SH2D3C: variants seen among roughly 807,000 people sequenced by gnomAD.
SH2D3C encodes SH2 domain containing 3C.
A neutral mutation model predicts 75.2 loss-of-function variants in SH2D3C; 25 were observed. The ratio of observed to expected loss-of-function variants is 0.33; its 90% CI spans 0.24 to 0.46. SH2D3C has a LOEUF of 0.46. Among genes scored for constraint, SH2D3C ranks in the 20% least tolerant of loss-of-function variants. SH2D3C has a pLI of 1.00. For missense variants in SH2D3C, 933 were observed against 1,165.3 expected, an observed-to-expected ratio of 0.80 and a Z score of 2.90; for synonymous variants, 450 against 473.7, an observed-to-expected ratio of 0.95 and a Z score of 0.65.
In SH2D3C at chr9:127,774,476, G is replaced by C; in HGVS notation, c.38-9C>G. 2 of 1,330,156 alleles carry C rather than the reference G, an allele frequency of 1.5e-6. No individual in the cohort carries two copies. Among genetic ancestry groups the C allele is most frequent in the Non-Finnish European group, 2.2e-6 (2 of 923,988 alleles). The allele number at this position is 1,330,156 out of a possible 1,614,324, so 82.4% of individuals were successfully genotyped here. On this transcript the variant is annotated splice_polypyrimidine_tract_variant and intron_variant, in intron 1 of 11. Transcript: ENST00000314830. This position sits in a 1 kb window ranked among gnomAD's most constrained non-coding sequence, Gnocchi z 4.3. ...CTTGAACTTGAAGAACTCTAGCAGA[G>C]GGGAAGGGAAGGAAAAGAAGTTAAT... is the stretch of plus-strand genomic sequence containing the variant.
chr9:127,761,071 C>A (rs1335983795), intron 3 of SH2D3C, among the ~76,000 whole-genome samples: 1 of 152,168 alleles, frequency 6.6e-6, no homozygotes, highest in Non-Finnish European at 1.5e-5. Context: ...GCATTCCTGA[C>A]CTCAGGTGAT....
At chr9:127,745,204 TAC>T (rs1844991808) in intron 6 of SH2D3C, 105 bp from the exon 7 acceptor site, 2 of 944,884 alleles carry the variant, frequency 2.1e-6, no homozygotes, top group South Asian at 5.4e-5. Flanking sequence ...TTGTAGGGAG[TAC>T]AGAGGTGATG....
intron 2 of SH2D3C, among the ~76,000 whole-genome samples, chr9:127,768,180 G>T (rs894596532): frequency 4.6e-5 from 7 of 152,194 alleles, no homozygotes; most frequent in Non-Finnish European, 7.3e-5. Flanking sequence ...CCCACCCCTG[G>T]TGGGTAATCG....
At chr9:127,757,140 A>G (rs916280794) in intron 3 of SH2D3C, among the ~76,000 whole-genome samples, 1 of 139,848 alleles carries the variant, frequency 7.2e-6, no homozygotes, top group African/African-American at 2.7e-5. Flanking sequence ...ATGGGGTTTC[A>G]CCATGTTGGC....
At chr9:127,744,257 G>A (rs1012858366) in intron 7 of SH2D3C, among the ~76,000 whole-genome samples, 1 of 151,884 alleles carries the variant, frequency 6.6e-6, no homozygotes, top group Non-Finnish European at 1.5e-5. Flanking sequence ...TTTTAGTAGA[G>A]ACGGGGTTTC....
chr9:127,749,001 A>C lies in SH2D3C; in HGVS notation c.1139+210T>G, dbSNP rs1401468802. ...CAAGGGCACATGGCCAGCGAGTGGC[A>C]GAGCTGGGACTGCAACCTGGGTCTG... On this transcript the variant is annotated intron_variant, in intron 5 of 11. Coordinates refer to ENST00000314830, the MANE Select transcript of SH2D3C (RefSeq NM_170600.3). This position sits in a 1 kb window ranked among gnomAD's most constrained non-coding sequence, Gnocchi z 5.9. 1.3e-5 allele frequency among the ~76,000 whole-genome samples: 2 copies of C among 152,204 alleles called. No homozygotes were observed. Among genetic ancestry groups the C allele is most frequent in the African/African-American group, 4.8e-5 (2 of 41,442 alleles).
chr9:127,766,963 G>A lies in SH2D3C; in HGVS notation c.516-5313C>T, dbSNP rs779556960. On this transcript the variant is annotated intron_variant, in intron 2 of 11. Transcript: ENST00000314830. ...GCTTCTCAGTCCTTAAAGGCCCTGG[G>A]CAAAAAGAGCTGGGTGGAAAGCCCC... The A allele has an allele frequency of 1.9e-5, 29 of 1,536,126 alleles. No individual in the cohort carries two copies. The East Asian group carries it at 6.8e-4, about 36-fold the overall frequency.
In SH2D3C at chr9:127,744,469, C is replaced by G. The variant is rs1844962400; in HGVS notation, c.1800+95G>C. 2.1e-6 allele frequency: 3 copies of G among 1,452,972 alleles called. No individual in the cohort carries two copies. The African/African-American group carries it at 4.2e-5, about 20-fold the overall frequency. The allele number at this position is 1,452,972 out of a possible 1,614,324, so 90.0% of individuals were successfully genotyped here. Reference sequence around the variant, plus strand: ...CCATGGAGCTAGAATCCAGGCCCACCTGCTGTACTTGGGGAATCTGGGAGC... The same window carrying G: ...CCATGGAGCTAGAATCCAGGCCCACGTGCTGTACTTGGGGAATCTGGGAGC... On this transcript the variant is annotated intron_variant, in intron 7 of 11. Transcript: ENST00000314830.
intron 2 of SH2D3C, among the ~76,000 whole-genome samples, chr9:127,770,079 CCT>C (rs1845705435): frequency 1.3e-5 from 2 of 152,050 alleles, no homozygotes; most frequent in South Asian, 4.1e-4. Flanking sequence ...AGGGAGGGTG[CCT>C]CTCTGGGACC....
chr9:127,758,367 T>C (rs1845446871), intron 3 of SH2D3C, among the ~76,000 whole-genome samples: 2 of 148,356 alleles, frequency 1.3e-5, no homozygotes, highest in Non-Finnish European at 2.9e-5. Context: ...ATTATTTATT[T>C]TACAATGTTA....
At position 127,767,257 on chromosome 9, in the gene SH2D3C, C is replaced by T. The variant is rs545655177; in HGVS notation, c.516-5607G>A. 8.1e-5 allele frequency: 119 copies of T among 1,461,646 alleles called. No individual in the cohort carries two copies. In the African/African-American group the frequency reaches 1.6e-3, roughly 19 times the overall value. 90.5% of individuals were successfully genotyped at this position (1,461,646 alleles called of 1,614,324 possible). ...GGATGCTGGGCCCTGACAGCTGCCA[C>T]CCAAGTCTCAAAACCTGCCAAAGAA... On this transcript the variant is annotated intron_variant, in intron 2 of 11. Coordinates refer to ENST00000314830, the MANE Select transcript of SH2D3C (RefSeq NM_170600.3).
At chr9:127,761,801 G>A in intron 2 of SH2D3C, 151 bp from the exon 3 acceptor site, 1 of 606,170 alleles carries the variant, frequency 1.6e-6, no homozygotes, top group Non-Finnish European at 2.9e-6. Context: ...CAGCTGGCCT[G>A]GCTCCTCCAC....
Position 127,751,304 on chromosome 9 carries a change from G to C in SH2D3C, c.556-4C>G, listed in dbSNP as rs376611903. 76 of 1,612,990 alleles carry C rather than the reference G, an allele frequency of 4.7e-5. No individual in the cohort carries two copies. The highest frequency in any genetic ancestry group is 1.6e-4 in the Middle Eastern group (1 of 6,080). On this transcript the variant is annotated splice_polypyrimidine_tract_variant and splice_region_variant and intron_variant, in intron 3 of 11. Transcript: ENST00000314830. This position sits in a 1 kb window ranked among gnomAD's most constrained non-coding sequence, Gnocchi z 4.1. ...GGATGTACTTCTCCTTGGAGAACTGGGTAGAAAACAGCAAGAGTTGGCATC... is the reference window on the plus strand; with the variant it reads ...GGATGTACTTCTCCTTGGAGAACTGCGTAGAAAACAGCAAGAGTTGGCATC...
chr9:127,742,017 G>A, intron 8 of SH2D3C, 58 bp from the exon 9 acceptor site: 1 of 1,496,904 alleles, frequency 6.7e-7, no homozygotes, highest in Non-Finnish European at 9.0e-7. Context: ...AGGGGTGCGG[G>A]CCTGGGGCGC....
Position 127,744,989 on chromosome 9 carries a change from TC to T in SH2D3C, c.1374del (p.Thr459ProfsTer67). ...GGGCCCTTGTCTGACTCCCCATGGGTCTTTGGGGCACTTCCGGGACACAGCT... is the reference window on the plus strand; with the variant it reads ...GGGCCCTTGTCTGACTCCCCATGGGTTTTGGGGCACTTCCGGGACACAGCT... ...EPQLCPGSAP[K>X]THGESDKGPH... On this transcript the variant is annotated frameshift_variant, in exon 7 of 12. Transcript: ENST00000314830. LOFTEE classifies it high-confidence loss of function. The T allele has an allele frequency of 6.6e-7, 1 of 1,526,642 alleles. No homozygotes were observed. Among genetic ancestry groups the T allele is most frequent in the Non-Finnish European group, 8.8e-7 (1 of 1,137,112 alleles). 94.6% of individuals were successfully genotyped at this position (1,526,642 alleles called of 1,614,324 possible).
At chr9:127,760,251 G>A (rs1275657226) in intron 3 of SH2D3C, among the ~76,000 whole-genome samples, 2 of 152,148 alleles carry the variant, frequency 1.3e-5, no homozygotes, top group Admixed American at 1.3e-4. Flanking sequence ...TGAATTCAGG[G>A]CCTGGTGCTC....
In SH2D3C at chr9:127,749,849, G is replaced by A. The variant is rs1463178101; in HGVS notation, c.685-184C>T. Among the ~76,000 whole-genome samples the A allele has an allele frequency of 6.6e-6, 1 of 152,084 alleles. No individual in the cohort carries two copies. Among genetic ancestry groups the A allele is most frequent in the East Asian group, 1.9e-4 (1 of 5,182 alleles). On this transcript the variant is annotated intron_variant, in intron 4 of 11. Transcript: ENST00000314830. This position sits in a 1 kb window ranked among gnomAD's most constrained non-coding sequence, Gnocchi z 5.9. ...GATGCAATGACCCAGGTTCACAGGG[G>A]GCACCTCAGCCAGAGGCCCTGAGTC... is the stretch of plus-strand genomic sequence containing the variant.
In SH2D3C at chr9:127,741,921, A is replaced by T. The variant is rs774010131; in HGVS notation, c.1955T>A (p.Leu652Gln). Residue 652 changes from leucine (L) to glutamine (Q), a missense_variant, in exon 9 of 12, where the codon CTG becomes CAG. Transcript: ENST00000314830. ...CTCCTCCGCAGAGCCGGTGCAGCCC[A>T]GGATGTCCACGGCCAGCATGATGGA... ...TMSIMLAVDILGCTGSAEERA... is the reference protein window; with the variant it reads ...TMSIMLAVDIQGCTGSAEERA... 1 of 1,612,944 alleles carries T rather than the reference A, an allele frequency of 6.2e-7. No homozygotes were observed. The highest frequency in any genetic ancestry group is 1.1e-5 in the South Asian group (1 of 91,072).
chr9:127,766,823 G>T, intron 2 of SH2D3C: 1 of 1,058,944 alleles, frequency 9.4e-7, no homozygotes, highest in Non-Finnish European at 1.3e-6. Context: ...ACCTGCCTTG[G>T]CCTCCCAAAG....
Sources: gnomAD v4.1 joint callset for allele counts (sites outside exome capture counted in the v4.1 genomes callset) on GRCh38, gnomAD v4.1.1 for gene constraint, Gnocchi (gnomAD v3.1) non-coding constraint, MANE v1.5 for transcripts, NCBI Gene and HGNC (gene_info 2026-07-23, HGNC 2026-07-21) for gene names.